The following ATL2 variants were observed in gnomAD, a reference collection of about 807,000 sequenced individuals.
ATL2 encodes the protein atlastin GTPase 2.
In ATL2, 31 loss-of-function variants were observed where a neutral mutation model predicts 73.9. The observed-to-expected ratio is 0.42, with a 90% CI of 0.32 to 0.57. ATL2 has a LOEUF of 0.57. Among genes scored for constraint, ATL2 ranks in the 20% least tolerant of loss-of-function variants. ATL2 has a pLI of 0.14. For missense variants in ATL2, 738 were observed against 702.6 expected (o/e 1.05, Z -0.57); for synonymous variants, 291 against 237.5 (o/e 1.23, Z -2.07).
rs575539939 is a variant in ATL2 at position 38,338,635 on chromosome 2, C to T, written c.363+4633G>A. Among the ~76,000 whole-genome samples the T allele has an allele frequency of 3.3e-5, 5 of 152,200 alleles. No individual in the cohort carries two copies. In the East Asian group the frequency reaches 9.7e-4, roughly 29 times the overall value. On this transcript the variant is annotated intron_variant, in intron 2 of 12. Transcript: ENST00000378954. ...GTCTTCCTCCTATCAGAAGGTAGAG[C>T]TTAATCCTCCTCTTTCCCTGTTCTT...
intron 9 of ATL2, among the ~76,000 whole-genome samples, chr2:38,301,649 C>T (rs770667503): frequency 1.3e-5 from 2 of 152,220 alleles, no homozygotes; most frequent in Non-Finnish European, 2.9e-5. Context: ...AAGAACTCAG[C>T]CAGCACCCAT....
At position 38,376,329 on chromosome 2, in the gene ATL2, G is replaced by C. The variant is rs1383408882; in HGVS notation, c.118+814C>G. ...CTTCGAGGGGGCAGGGGCGCTCCTG[G>C]TACACGTACAGTAGGAGCTCACATT... On this transcript the variant is annotated intron_variant, in intron 1 of 12. Transcript: ENST00000378954. 2.7e-6 allele frequency: 3 copies of C among 1,121,044 alleles called. No individual in the cohort carries two copies. The African/African-American group carries it at 4.6e-5, about 17-fold the overall frequency. 69.4% of individuals were successfully genotyped at this position (1,121,044 alleles called of 1,614,324 possible).
rs1036771769 is a variant in ATL2, at chr2:38,295,309, A to C, written c.*685T>G. 9 of 152,240 alleles carry C rather than the reference A, an allele frequency of 5.9e-5. No individual in the cohort carries two copies. The highest frequency in any genetic ancestry group is 2.2e-4 in the African/African-American group (9 of 41,466). 9.4% of individuals were successfully genotyped at this position (152,240 alleles called of 1,614,324 possible). ...CATTTTTGGATGGAATTTCTTCCCC[A>C]ATAAAATTAATGGCATATTTTATAT... On this transcript the variant is annotated 3_prime_UTR_variant, in exon 13 of 13. Transcript: ENST00000378954.
chr2:38,375,550 C>A (rs1388259020), intron 1 of ATL2, among the ~76,000 whole-genome samples: 5 of 152,084 alleles, frequency 3.3e-5, no homozygotes, highest in African/African-American at 1.2e-4. Context: ...ACAACCATAA[C>A]TGAAGTATAA....
intron 9 of ATL2, among the ~76,000 whole-genome samples, chr2:38,302,433 G>A (rs942355161): frequency 6.6e-6 from 1 of 152,252 alleles, no homozygotes; most frequent in Admixed American, 6.5e-5. Flanking sequence ...TTTGCCACCT[G>A]CTGATTGTAG....
chr2:38,324,072 T>C (rs1668469743), intron 2 of ATL2, among the ~76,000 whole-genome samples: 1 of 152,150 alleles, frequency 6.6e-6, no homozygotes, highest in Non-Finnish European at 1.5e-5. Context: ...GGCTGGGAGT[T>C]TGAGACCAGC....
Position 38,346,735 on chromosome 2 carries a change from C to T in ATL2, c.119-3223G>A, listed in dbSNP as rs1221862909. On this transcript the variant is annotated intron_variant, in intron 1 of 12. Transcript: ENST00000378954. ...GGCGAAGCTCAGGCAGTAATGCTCG[C>T]TCGCCTGCTACTCCCCTCTTGCTGT... is the stretch of plus-strand genomic sequence containing the variant. Among the ~76,000 whole-genome samples the T allele has an allele frequency of 2.6e-5, 4 of 152,310 alleles. No homozygotes were observed. In the East Asian group the frequency reaches 7.7e-4, roughly 29 times the overall value.
chr2:38,319,953 C>G (rs529065592), intron 2 of ATL2, among the ~76,000 whole-genome samples: 55 of 152,142 alleles, frequency 3.6e-4, no homozygotes, highest in Middle Eastern at 6.8e-3. Flanking sequence ...ACTAAAAATA[C>G]AAAAATTAGC....
At chr2:38,297,391 T>A (rs572036512) in intron 12 of ATL2, among the ~76,000 whole-genome samples, 3 of 152,200 alleles carry the variant, frequency 2.0e-5, no homozygotes, top group African/African-American at 2.4e-5. Context: ...GTCCTTGACA[T>A]GATGTTCAAG....
Position 38,345,298 on chromosome 2 carries a change from T to G in ATL2, c.119-1786A>C, listed in dbSNP as rs113468027. ...CCACTAAGGCGTGGTACATTATTAG[T>G]GAACAGTTCAGTAATACCTTATCCA... On this transcript the variant is annotated intron_variant, in intron 1 of 12. Coordinates refer to ENST00000378954, the MANE Select transcript of ATL2 (RefSeq NM_001135673.4). Among the ~76,000 whole-genome samples the G allele has an allele frequency of 7.9e-4, 121 of 152,308 alleles. 1 individual carries two copies. The highest frequency in any genetic ancestry group is 3.4e-3 in the Middle Eastern group (1 of 294).
chr2:38,326,293 T>TA (rs1244698085), intron 2 of ATL2, among the ~76,000 whole-genome samples: 9 of 152,112 alleles, frequency 5.9e-5, no homozygotes, highest in African/African-American at 2.2e-4. Flanking sequence ...GACCTGCAGC[T>TA]AAAAAACACG....
chr2:38,364,176 C>T (rs980117309), intron 1 of ATL2, among the ~76,000 whole-genome samples: 1 of 152,100 alleles, frequency 6.6e-6, no homozygotes, highest in Non-Finnish European at 1.5e-5. Flanking sequence ...GCAGAAGAAT[C>T]ACTTGAACCC....
At chr2:38,343,217 T>A in intron 2 of ATL2, 51 bp downstream of exon 2, 1 of 1,195,790 alleles carries the variant, frequency 8.4e-7, no homozygotes, top group Non-Finnish European at 1.2e-6. Context: ...TTAACAGGCA[T>A]GGTTGGTACT....
intron 2 of ATL2, among the ~76,000 whole-genome samples, chr2:38,330,117 A>G (rs1668897896): frequency 6.6e-6 from 1 of 151,222 alleles, no homozygotes; most frequent in African/African-American, 2.5e-5. Context: ...TGACAGAACA[A>G]GACTGTCTCA....
At chr2:38,357,444 T>C (rs1420235881) in intron 1 of ATL2, among the ~76,000 whole-genome samples, 4 of 149,844 alleles carry the variant, frequency 2.7e-5, no homozygotes, top group East Asian at 2.0e-4. Context: ...ACATTTGGGA[T>C]TAAGGAAAAA....
chr2:38,376,483 T>G, intron 1 of ATL2: 1 of 223,802 alleles, frequency 4.5e-6, no homozygotes. Context: ...AAATCTAGAC[T>G]TGCACCCTAG....
chr2:38,318,314 T>C (rs904810644), intron 4 of ATL2: 2 of 357,624 alleles, frequency 5.6e-6, no homozygotes, highest in Non-Finnish European at 1.0e-5. Context: ...CCGTCTCTAC[T>C]AAAAATACAA....
At chr2:38,308,838 T>C (rs913971327) in intron 9 of ATL2, among the ~76,000 whole-genome samples, 3 of 151,660 alleles carry the variant, frequency 2.0e-5, no homozygotes, top group African/African-American at 7.3e-5. Context: ...ATCCAATAAG[T>C]GAACAAAATA....
intron 1 of ATL2, chr2:38,354,202 A>G: frequency 2.3e-6 from 1 of 433,142 alleles, no homozygotes; most frequent in South Asian, 1.6e-5. Context: ...AGCAAAGAGT[A>G]TCTGTCATTA....
Sources: gnomAD v4.1 joint callset for allele counts (sites outside exome capture counted in the v4.1 genomes callset) on GRCh38, gnomAD v4.1.1 for gene constraint, MANE v1.5 for transcripts, NCBI Gene and HGNC (gene_info 2026-07-23, HGNC 2026-07-21) for gene names.